The following CIMIP4 variants were observed in gnomAD, a reference collection of about 807,000 sequenced individuals.
CIMIP4 encodes the protein ciliary microtubule inner protein 4, also known as protein EAN57.
chr22:36,991,254 A>G, the CIMIP4 span: 1 of 1,614,048 alleles, frequency 6.2e-7, no homozygotes, highest in Non-Finnish European at 8.5e-7. Flanking sequence ...TCAGGTTCAT[A>G]GCATTTTTCT....
chr22:37,005,346 T>G, the CIMIP4 span, among the ~76,000 whole-genome samples: 2 of 152,222 alleles, frequency 1.3e-5, no homozygotes, highest in African/African-American at 4.8e-5. Context: ...AAATTTGTAC[T>G]GTTTTAAACA....
At chr22:37,000,065 T>C in the CIMIP4 span, 16 of 1,518,462 alleles carry the variant, frequency 1.1e-5, no homozygotes, top group Non-Finnish European at 1.4e-5. Flanking sequence ...TCCTCCTCCC[T>C]TGACCCTGCC....
chr22:37,000,634 T>C, the CIMIP4 span, among the ~76,000 whole-genome samples: 1 of 152,326 alleles, frequency 6.6e-6, no homozygotes, highest in East Asian at 1.9e-4. Flanking sequence ...GGATGGTCTT[T>C]GAAGTGGCTT....
At chr22:37,001,737 TC>T in the CIMIP4 span, 1 of 1,227,070 alleles carries the variant, frequency 8.1e-7, no homozygotes, top group Non-Finnish European at 1.1e-6. Context: ...GATACTGCTT[TC>T]TAGTGGTATT....
At chr22:36,994,630 A>ATTTT in the CIMIP4 span, among the ~76,000 whole-genome samples, 2 of 114,178 alleles carry the variant, frequency 1.8e-5, no homozygotes, top group African/African-American at 3.5e-5. Flanking sequence ...GCCTCCTGAG[A>ATTTT]TTTTTTTTTT....
the CIMIP4 span, among the ~76,000 whole-genome samples, chr22:36,994,524 C>T: frequency 1.3e-5 from 2 of 152,104 alleles, no homozygotes; most frequent in African/African-American, 4.8e-5. Flanking sequence ...CATGCGCCAT[C>T]ATGCCAGCTA....
At chr22:37,001,765 A>T in the CIMIP4 span, 19 of 1,401,450 alleles carry the variant, frequency 1.4e-5, no homozygotes, top group Non-Finnish European at 1.8e-5. Context: ...GGGACTCTGT[A>T]CTCAAGAGTG....
At chr22:36,995,389 G>A in the CIMIP4 span, among the ~76,000 whole-genome samples, 6 of 152,202 alleles carry the variant, frequency 3.9e-5, no homozygotes, top group Non-Finnish European at 8.8e-5. Flanking sequence ...GGACCTTCAT[G>A]TTAGCCCACA....
At chr22:37,007,115 G>A in the CIMIP4 span, among the ~76,000 whole-genome samples, 4 of 152,186 alleles carry the variant, frequency 2.6e-5, no homozygotes, top group African/African-American at 9.6e-5. Context: ...AGAGACCCTG[G>A]GACAGAAAAA....
the CIMIP4 span, chr22:37,002,153 G>A: frequency 6.6e-7 from 1 of 1,524,690 alleles, no homozygotes; most frequent in Non-Finnish European, 8.8e-7. Flanking sequence ...GCTGCCTTGA[G>A]CGCTGGCTCC....
At chr22:36,991,312 A>G in the CIMIP4 span, 1 of 1,608,384 alleles carries the variant, frequency 6.2e-7, no homozygotes, top group East Asian at 2.2e-5. Context: ...CACAGATTAG[A>G]TCATCTGGCA....
the CIMIP4 span, among the ~76,000 whole-genome samples, chr22:37,005,316 C>G: frequency 6.6e-6 from 1 of 152,172 alleles, no homozygotes; most frequent in Non-Finnish European, 1.5e-5. Flanking sequence ...CATCCTGACT[C>G]CTATAAGTTC....
At chr22:36,995,031 A>T in the CIMIP4 span, among the ~76,000 whole-genome samples, 1 of 152,310 alleles carries the variant, frequency 6.6e-6, no homozygotes, top group African/African-American at 2.4e-5. Flanking sequence ...AAATCATTAC[A>T]GGGCTGTGTT....
the CIMIP4 span, chr22:36,991,331 AGTT>A: frequency 8.0e-4 from 1,277 of 1,592,376 alleles, 11 homozygotes; most frequent in East Asian, 0.024. Flanking sequence ...CAGTCTCTGG[AGTT>A]GCCCAGACCC....
the CIMIP4 span, among the ~76,000 whole-genome samples, chr22:36,999,183 G>A: frequency 1.5e-4 from 23 of 151,378 alleles, no homozygotes; most frequent in African/African-American, 2.4e-4. Flanking sequence ...TGGGGAGGGC[G>A]CAGTGACTCA....
the CIMIP4 span, among the ~76,000 whole-genome samples, chr22:36,997,022 A>G: frequency 6.6e-6 from 1 of 152,214 alleles, no homozygotes; most frequent in African/African-American, 2.4e-5. Context: ...TTGTTGTTCC[A>G]TTATTTTGAG....
the CIMIP4 span, among the ~76,000 whole-genome samples, chr22:37,004,369 A>C: frequency 6.7e-6 from 1 of 149,788 alleles, no homozygotes; most frequent in African/African-American, 2.5e-5. Context: ...TTTTCCTTTC[A>C]TCTCCTCCTC....
At chr22:37,000,623 T>C in the CIMIP4 span, among the ~76,000 whole-genome samples, 2 of 152,202 alleles carry the variant, frequency 1.3e-5, no homozygotes, top group Non-Finnish European at 2.9e-5. Flanking sequence ...AGGGTGGAAC[T>C]GGATGGTCTT....
the CIMIP4 span, among the ~76,000 whole-genome samples, chr22:36,996,598 AC>A: frequency 6.6e-6 from 1 of 152,224 alleles, no homozygotes; most frequent in Non-Finnish European, 1.5e-5. Context: ...TATAAAGCTG[AC>A]AACAGCCCTT....
Sources: allele counts gnomAD v4.1 joint callset (sites outside exome capture counted in the v4.1 genomes callset), GRCh38; gene constraint gnomAD v4.1.1; transcripts MANE v1.5; gene names NCBI Gene and HGNC (gene_info 2026-07-23, HGNC 2026-07-21).